Variants in RAB3C observed in about 807,000 individuals in gnomAD.
RAB3C encodes the protein ras-related protein Rab-3C.
RAB3C carries 17 observed loss-of-function variants against 26.4 expected under a neutral mutation model. The observed-to-expected ratio is 0.64, with a 90% confidence interval of 0.44 to 0.97. RAB3C has a LOEUF of 0.97. Among genes scored for constraint, RAB3C ranks in the 50% least tolerant of loss-of-function variants. The probability of loss-of-function intolerance (pLI) is 0.00; values close to 1 mark genes in which losing one functional copy is unlikely to be tolerated. For synonymous variants in RAB3C, 91 were observed against 95.9 expected, an observed-to-expected ratio of 0.95 and a Z score of 0.30; for missense variants, 242 against 281.9, an observed-to-expected ratio of 0.86 and a Z score of 1.01.
Position 58,618,794 on chromosome 5 carries a change from G to A in RAB3C, c.252+924G>A, listed in dbSNP as rs562972056. 6.6e-5 allele frequency among the ~76,000 whole-genome samples: 10 copies of A among 152,202 alleles called. No individual in the cohort carries two copies. In the East Asian group the frequency reaches 1.9e-3, roughly 29 times the overall value. On this transcript the variant is annotated intron_variant, in intron 2 of 4. Transcript: ENST00000282878. ...CTTTTTCCTATTCCTTTGTACCTCT[G>A]CCACTCAAATTGATTTGATCTGTAA... is the stretch of plus-strand genomic sequence containing the variant.
chr5:58,754,959 T>C (rs1014743765), intron 3 of RAB3C, among the ~76,000 whole-genome samples: 1 of 151,796 alleles, frequency 6.6e-6, no homozygotes, highest in Middle Eastern at 3.2e-3. Context: ...CCAAGCAACT[T>C]GGGCAAGGAA....
intron 3 of RAB3C, among the ~76,000 whole-genome samples, chr5:58,757,896 A>G (rs546670223): frequency 6.1e-5 from 9 of 148,284 alleles, no homozygotes; most frequent in African/African-American, 2.2e-4. Flanking sequence ...TACTTCAAGC[A>G]AAAGCTCCCC....
At chr5:58,795,840 A>G (rs879689144) in intron 3 of RAB3C, among the ~76,000 whole-genome samples, 2 of 71,148 alleles carry the variant, frequency 2.8e-5, no homozygotes, top group African/African-American at 5.9e-5. Flanking sequence ...AGAAAGAGAA[A>G]AAAGCAGGAA....
At chr5:58,608,483 A>G (rs1746621538) in intron 1 of RAB3C, among the ~76,000 whole-genome samples, 1 of 152,208 alleles carries the variant, frequency 6.6e-6, no homozygotes, top group Non-Finnish European at 1.5e-5. Flanking sequence ...CAAAACTACA[A>G]TGAGATACTA....
chr5:58,646,342 C>A (rs1163712084), intron 2 of RAB3C, among the ~76,000 whole-genome samples: 1 of 151,968 alleles, frequency 6.6e-6, no homozygotes, highest in Non-Finnish European at 1.5e-5. Context: ...CGGCACAGTG[C>A]CTGACACACT....
intron 3 of RAB3C, among the ~76,000 whole-genome samples, chr5:58,774,605 A>G (rs1291374037): frequency 3.3e-5 from 5 of 152,098 alleles, no homozygotes; most frequent in Non-Finnish European, 7.4e-5. Flanking sequence ...TTTAAAATAG[A>G]TGTTTATAAA....
chr5:58,713,391 T>C (rs1031473344), intron 2 of RAB3C, among the ~76,000 whole-genome samples: 1 of 152,218 alleles, frequency 6.6e-6, no homozygotes, highest in Admixed American at 6.5e-5. Flanking sequence ...TAAGGAATTT[T>C]AAACACGACG....
intron 2 of RAB3C, among the ~76,000 whole-genome samples, chr5:58,698,259 C>G (rs1430825530): frequency 6.6e-6 from 1 of 152,194 alleles, no homozygotes; most frequent in African/African-American, 2.4e-5. Context: ...GGCCCCCACT[C>G]TCTTCTGGCT....
At chr5:58,613,181 A>G (rs1746751199) in intron 1 of RAB3C, among the ~76,000 whole-genome samples, 1 of 152,122 alleles carries the variant, frequency 6.6e-6, no homozygotes. Context: ...CAGTAGTTAA[A>G]ATTTAAAATG....
At chr5:58,670,835 A>G (rs1028658832) in intron 2 of RAB3C, among the ~76,000 whole-genome samples, 1 of 152,156 alleles carries the variant, frequency 6.6e-6, no homozygotes, top group Non-Finnish European at 1.5e-5. Context: ...CATTTCCACT[A>G]TTGACTCAGA....
chr5:58,726,903 C>T (rs1197397978), intron 3 of RAB3C, among the ~76,000 whole-genome samples: 1 of 151,900 alleles, frequency 6.6e-6, no homozygotes, highest in Non-Finnish European at 1.5e-5. Context: ...GTCATGAGCT[C>T]AAGCACAGGG....
chr5:58,647,503 C>T (rs1012579899), intron 2 of RAB3C: 13 of 152,184 alleles, frequency 8.5e-5, no homozygotes, highest in African/African-American at 2.9e-4. Context: ...CCCCCCTCGA[C>T]ACGTGGGGAT....
At chr5:58,810,178 T>C (rs1743036393) in intron 3 of RAB3C, among the ~76,000 whole-genome samples, 1 of 152,018 alleles carries the variant, frequency 6.6e-6, no homozygotes, top group Non-Finnish European at 1.5e-5. Flanking sequence ...TGCCAGTGTC[T>C]CCCATCAGAA....
chr5:58,619,528 T>C (rs575240750), intron 2 of RAB3C, among the ~76,000 whole-genome samples: 3 of 152,350 alleles, frequency 2.0e-5, no homozygotes, highest in African/African-American at 7.2e-5. Flanking sequence ...ATACATCCCT[T>C]AACTCCATGA....
chr5:58,638,566 T>A (rs1361611933), intron 2 of RAB3C, among the ~76,000 whole-genome samples: 4 of 152,352 alleles, frequency 2.6e-5, no homozygotes, highest in Admixed American at 1.3e-4. Flanking sequence ...TTTATAATTA[T>A]AACCCACTTT....
At chr5:58,645,776 A>G (rs1002432205) in intron 2 of RAB3C, among the ~76,000 whole-genome samples, 1 of 152,132 alleles carries the variant, frequency 6.6e-6, no homozygotes, top group African/African-American at 2.4e-5. Flanking sequence ...TTGAAGAGTG[A>G]AGGATTGGTG....
chr5:58,642,051 A>G (rs1747423365), intron 2 of RAB3C, among the ~76,000 whole-genome samples: 1 of 152,170 alleles, frequency 6.6e-6, no homozygotes, highest in South Asian at 2.1e-4. Flanking sequence ...AGGGCTGGCT[A>G]TTGTGGGTAC....
At chr5:58,673,284 C>G (rs567127709) in intron 2 of RAB3C, among the ~76,000 whole-genome samples, 60 of 152,214 alleles carry the variant, frequency 3.9e-4, no homozygotes, top group Non-Finnish European at 7.2e-4. Context: ...TCAGATATTA[C>G]AGTAATTTCA....
chr5:58,828,273 T>G (rs1743535227), intron 4 of RAB3C, among the ~76,000 whole-genome samples: 1 of 152,220 alleles, frequency 6.6e-6, no homozygotes, highest in Non-Finnish European at 1.5e-5. Context: ...AAGAATATTT[T>G]TCTGGCTTTC....
Sources: gnomAD v4.1 joint callset for allele counts (sites outside exome capture counted in the v4.1 genomes callset) on GRCh38, gnomAD v4.1.1 for gene constraint, MANE v1.5 for transcripts, NCBI Gene and HGNC (gene_info 2026-07-23, HGNC 2026-07-21) for gene names.